The following PTPRD variants were observed in gnomAD, a reference collection of about 807,000 sequenced individuals.
PTPRD encodes the protein receptor-type tyrosine-protein phosphatase delta.
Under a neutral mutation model 214.5 loss-of-function variants are expected in PTPRD, and 34 were observed. The observed-to-expected ratio is 0.16, with a 90% CI of 0.12 to 0.21. The LOEUF is 0.21. Ranked by LOEUF, PTPRD falls within the 10% of genes least tolerant of loss-of-function variation. The pLI, the probability that PTPRD is intolerant of heterozygous loss-of-function variation, is 1.00. For synonymous variants in PTPRD, 1,128 were observed against 845.7 expected, an observed-to-expected ratio of 1.33 and a Z score of -5.79; for missense variants, 2,545 against 2,398.7, an observed-to-expected ratio of 1.06 and a Z score of -1.27.
At chr9:9,056,634 T>G (rs1397604659) in intron 10 of PTPRD, among the ~76,000 whole-genome samples, 1 of 152,216 alleles carries the variant, frequency 6.6e-6, no homozygotes, top group Non-Finnish European at 1.5e-5. Context: ...CCATTTCACT[T>G]TCTTACTGGG....
At chr9:9,951,127 G>A (rs1456432187) in intron 4 of PTPRD, among the ~76,000 whole-genome samples, 1 of 152,102 alleles carries the variant, frequency 6.6e-6, no homozygotes, top group Non-Finnish European at 1.5e-5. Flanking sequence ...TAGGAGGAGG[G>A]TGAAATATGT....
At position 10,036,374 on chromosome 9, in the gene PTPRD, C is replaced by T. The variant is rs541142124; in HGVS notation, c.-544-2584G>A. ...TTAAGCCTGGATAAACATTCTAAAGCCCTTTTGCTTATTAAGCATCAAGTT... is the reference window on the plus strand; with the variant it reads ...TTAAGCCTGGATAAACATTCTAAAGTCCTTTTGCTTATTAAGCATCAAGTT... On this transcript the variant is annotated intron_variant, in intron 3 of 45. Coordinates refer to ENST00000381196, the MANE Select transcript of PTPRD (RefSeq NM_002839.4). 3.8e-3 allele frequency among the ~76,000 whole-genome samples: 585 copies of T among 152,052 alleles called. 1 individual carries two copies. Among genetic ancestry groups the T allele is most frequent in the Non-Finnish European group, 6.6e-3 (447 of 67,986 alleles).
chr9:9,587,477 A>G (rs1397607481), intron 7 of PTPRD, among the ~76,000 whole-genome samples: 2 of 152,064 alleles, frequency 1.3e-5, no homozygotes, highest in Non-Finnish European at 2.9e-5. Flanking sequence ...ATGCTGTTAG[A>G]ACTATTAATA....
chr9:8,795,339 T>C (rs2096380060), intron 11 of PTPRD, among the ~76,000 whole-genome samples: 1 of 152,030 alleles, frequency 6.6e-6, no homozygotes, highest in Admixed American at 6.6e-5. Flanking sequence ...AATTTTTTTC[T>C]ATTTTTTAGT....
chr9:9,196,927 C>A (rs1047605553), intron 9 of PTPRD, among the ~76,000 whole-genome samples: 2 of 152,094 alleles, frequency 1.3e-5, no homozygotes, highest in East Asian at 1.9e-4. Flanking sequence ...CATGGAATAT[C>A]AATATCAGAC....
chr9:9,871,830 G>C (rs952812316), intron 5 of PTPRD, among the ~76,000 whole-genome samples: 1 of 152,122 alleles, frequency 6.6e-6, no homozygotes, highest in African/African-American at 2.4e-5. Context: ...AAAGGGGCCT[G>C]GGGGGAGGGG....
chr9:9,437,454 T>C (rs1050220418), intron 8 of PTPRD, among the ~76,000 whole-genome samples: 2 of 151,702 alleles, frequency 1.3e-5, no homozygotes, highest in Non-Finnish European at 2.9e-5. Context: ...GGTTTTTTTA[T>C]GCCCATGTCA....
At chr9:10,100,746 G>T (rs2098543891) in intron 3 of PTPRD, among the ~76,000 whole-genome samples, 1 of 151,626 alleles carries the variant, frequency 6.6e-6, no homozygotes, top group African/African-American at 2.4e-5. Flanking sequence ...GTCATGTTCT[G>T]TTCCTCACTG....
At chr9:10,322,529 TTAATAAAGA>T (rs2096571178) in intron 3 of PTPRD, among the ~76,000 whole-genome samples, 1 of 152,024 alleles carries the variant, frequency 6.6e-6, no homozygotes, top group African/African-American at 2.4e-5. Flanking sequence ...CAACTGAACT[TTAATAAAGA>T]AATGCCAAAT....
In PTPRD at chr9:8,597,268, G is replaced by C. The variant is rs144895751; in HGVS notation, c.352+36049C>G. The stretch of plus-strand genomic sequence containing the variant: ...AGTTAATAGCCTCAAAAATTGGAAA[G>C]AAATGAGACAAAATATCAAGACAAG... On this transcript the variant is annotated intron_variant, in intron 14 of 45. Coordinates refer to ENST00000381196, the MANE Select transcript of PTPRD (RefSeq NM_002839.4). Among the ~76,000 whole-genome samples, 15 of 152,164 alleles carry C rather than the reference G, an allele frequency of 9.9e-5. No individual in the cohort carries two copies. The East Asian group carries it at 1.7e-3, about 18-fold the overall frequency.
At chr9:8,919,774 T>C (rs1261418691) in intron 11 of PTPRD, among the ~76,000 whole-genome samples, 1 of 149,948 alleles carries the variant, frequency 6.7e-6, no homozygotes, top group Non-Finnish European at 1.5e-5. Flanking sequence ...TCCATGTATA[T>C]GCACATCTAT....
intron 4 of PTPRD, among the ~76,000 whole-genome samples, chr9:9,981,191 A>G (rs939201605): frequency 6.6e-6 from 1 of 152,172 alleles, no homozygotes; most frequent in African/African-American, 2.4e-5. Flanking sequence ...GATGTATACT[A>G]TGGAAAAATC....
At chr9:10,215,019 A>T (rs1040466790) in intron 3 of PTPRD, among the ~76,000 whole-genome samples, 4 of 152,084 alleles carry the variant, frequency 2.6e-5, no homozygotes, top group African/African-American at 7.2e-5. Context: ...TACATTGGAC[A>T]ATGAAGTAGA....
In PTPRD at chr9:8,449,848, A is replaced by C. The variant is rs776076170; in HGVS notation, c.3876-11T>G. 4 of 1,608,436 alleles carry C rather than the reference A, an allele frequency of 2.5e-6. No individual in the cohort carries two copies. Among genetic ancestry groups the C allele is most frequent in the East Asian group, 4.5e-5 (2 of 44,826 alleles). Reference sequence around the variant, plus strand: ...GACTCTGCCCTCTTCCTATAGGGGGAAAATAGAAATTTAAGAAGAAAAGAA... The same window carrying C: ...GACTCTGCCCTCTTCCTATAGGGGGCAAATAGAAATTTAAGAAGAAAAGAA... On this transcript the variant is annotated splice_polypyrimidine_tract_variant and intron_variant, in intron 33 of 45. Transcript: ENST00000381196.
intron 11 of PTPRD, among the ~76,000 whole-genome samples, chr9:8,738,639 G>C (rs2091106828): frequency 6.6e-6 from 1 of 151,222 alleles, no homozygotes; most frequent in Non-Finnish European, 1.5e-5. Flanking sequence ...TAACTGCAAA[G>C]AACTACAACA....
At chr9:8,320,121 C>T (rs908023633) in intron 44 of PTPRD, among the ~76,000 whole-genome samples, 155 bp from the exon 45 acceptor site, 2 of 152,020 alleles carry the variant, frequency 1.3e-5, no homozygotes, top group Admixed American at 6.6e-5. Context: ...CAAATGATTA[C>T]TCTTGGGATA....
intron 3 of PTPRD, among the ~76,000 whole-genome samples, chr9:10,157,507 G>A (rs893906831): frequency 2.6e-5 from 4 of 152,142 alleles, no homozygotes; most frequent in African/African-American, 9.7e-5. Flanking sequence ...TCTGGTGTTA[G>A]TCTCACGGGC....
intron 3 of PTPRD, among the ~76,000 whole-genome samples, chr9:10,146,150 C>CATATATATAT (rs56191246): frequency 0.017 from 2,460 of 147,302 alleles, 15 homozygotes; most frequent in South Asian, 0.053. Flanking sequence ...TGAAATCATC[C>CATATATATAT]ATATATATAT....
At chr9:10,332,024 A>T (rs2096760049) in intron 3 of PTPRD, among the ~76,000 whole-genome samples, 1 of 151,866 alleles carries the variant, frequency 6.6e-6, no homozygotes, top group African/African-American at 2.4e-5. Flanking sequence ...AAGACATGCA[A>T]ACAGAAACTA....
Sources: allele counts gnomAD v4.1 joint callset (sites outside exome capture counted in the v4.1 genomes callset), GRCh38; gene constraint gnomAD v4.1.1; transcripts MANE v1.5; gene names NCBI Gene and HGNC (gene_info 2026-07-23, HGNC 2026-07-21).